The following TRIM11 variants were observed in gnomAD, a reference collection of about 807,000 sequenced individuals.
The protein encoded by TRIM11 is E3 ubiquitin-protein ligase TRIM11.
In TRIM11, 15 loss-of-function variants were observed where a neutral mutation model predicts 33.4. The observed-to-expected ratio is 0.45, with a 90% CI of 0.30 to 0.69. TRIM11 has a LOEUF of 0.69. Among genes scored for constraint, TRIM11 ranks in the 30% least tolerant of loss-of-function variants. TRIM11 has a pLI of 0.08. For synonymous variants in TRIM11, 281 were observed against 302.6 expected (o/e 0.93, Z 0.74); for missense variants, 499 against 667.6 (o/e 0.75, Z 2.78).
rs150671955 is a variant in TRIM11 at position 228,404,255 on chromosome 1, C to T, written c.408+1899G>A. 725 of 152,488 alleles carry T rather than the reference C, an allele frequency of 4.8e-3. 5 individuals carry two copies. The highest frequency in any genetic ancestry group is 0.017 in the African/African-American group (691 of 41,592). 9.4% of individuals were successfully genotyped at this position (152,488 alleles called of 1,614,324 possible). A position where few individuals can be genotyped will look rare whatever the true frequency, so the allele number is the denominator to read the frequency against. ...GAGATCTGGGGGCCATCTTCTCTCTCCCATGGTGCTGCTTCCTGGAACTGG... is the reference window on the plus strand; with the variant it reads ...GAGATCTGGGGGCCATCTTCTCTCTTCCATGGTGCTGCTTCCTGGAACTGG... On this transcript the variant is annotated intron_variant, in intron 1 of 5. Transcript: ENST00000284551.
rs553287482 is a variant in TRIM11 at position 228,401,845 on chromosome 1, G to A, written c.504+221C>T. ...AAGCATGCTGGGACCCCAGGATGGG[G>A]CCCTTGCAGTATGGGAGCCCACGCC... On this transcript the variant is annotated intron_variant, in intron 2 of 5. Transcript: ENST00000284551. The surrounding 1 kb of genome is among the most constrained non-coding windows in gnomAD (Gnocchi z 6.1). Among the ~76,000 whole-genome samples the A allele has an allele frequency of 2.3e-4, 35 of 152,268 alleles. No homozygotes were observed.
At position 228,394,111 on chromosome 1, in the gene TRIM11, A is replaced by C. The variant is rs1256322763; in HGVS notation, c.*594T>G. On this transcript the variant is annotated 3_prime_UTR_variant, in exon 6 of 6. Transcript: ENST00000284551. This position sits in a 1 kb window ranked among gnomAD's most constrained non-coding sequence, Gnocchi z 6.2. ...CTCCCAGAAGCCCCTTTATTATAGG[A>C]CATCTACTCTCTGTTCCTGTCCTCA... The C allele has an allele frequency of 6.6e-6, 1 of 152,484 alleles. No individual in the cohort carries two copies. Among genetic ancestry groups the C allele is most frequent in the Non-Finnish European group, 1.5e-5 (1 of 68,272 alleles). 9.4% of individuals were successfully genotyped at this position (152,484 alleles called of 1,614,324 possible).
chr1:228,405,982 C>T (rs1656396732), intron 1 of TRIM11, 172 bp downstream of exon 1: 2 of 719,730 alleles, frequency 2.8e-6, no homozygotes, highest in Non-Finnish European at 4.0e-6. Flanking sequence ...GCCCCCACAG[C>T]CACCCTGCGC....
At position 228,396,377 on chromosome 1, in the gene TRIM11, CA is replaced by C. The variant is rs2074987081; in HGVS notation, c.859+569del. 6.6e-6 allele frequency: 3 copies of C among 451,878 alleles called. No homozygotes were observed. In the South Asian group the frequency reaches 1.1e-4, roughly 16 times the overall value. The allele number at this position is 451,878 out of a possible 1,614,324, so 28.0% of individuals were successfully genotyped here. ...CAGGGAGTTTCCAGGTTGGTGAGCACACTGAGGTGCTGGGAAGGTGCACCCA... is the reference window on the plus strand; with the variant it reads ...CAGGGAGTTTCCAGGTTGGTGAGCACCTGAGGTGCTGGGAAGGTGCACCCA... On this transcript the variant is annotated intron_variant, in intron 5 of 5. Transcript: ENST00000284551.
In TRIM11 at chr1:228,405,988, T is replaced by G. The variant is rs953548867; in HGVS notation, c.408+166A>C. On this transcript the variant is annotated intron_variant, in intron 1 of 5. Coordinates refer to ENST00000284551, the MANE Select transcript of TRIM11 (RefSeq NM_145214.3). ...GTGTCATGAGCCCCCACAGCCACCC[T>G]GCGCGACACCCCCCTCACAGGCCCA... The G allele has an allele frequency of 6.5e-6, 5 of 773,606 alleles. No individual in the cohort carries two copies. The East Asian group carries it at 1.7e-4, about 26-fold the overall frequency. The allele number at this position is 773,606 out of a possible 1,614,324, so 47.9% of individuals were successfully genotyped here.
At chr1:228,405,137 A>C (rs1370336461) in intron 1 of TRIM11, 1 of 152,292 alleles carries the variant, frequency 6.6e-6, no homozygotes, top group Non-Finnish European at 1.5e-5. Context: ...TCAGGTGTAG[A>C]CATTCCTGCA....
chr1:228,402,288 G>T, intron 1 of TRIM11, 127 bp from the exon 2 acceptor site: 1 of 672,276 alleles, frequency 1.5e-6, no homozygotes, highest in Non-Finnish European at 2.5e-6. Context: ...TGGTGAATCA[G>T]GGAACTCAAT....
In TRIM11 at chr1:228,393,686, C is replaced by T. The variant is rs1321897112; in HGVS notation, c.*1019G>A. 1 of 152,272 alleles carries T rather than the reference C, an allele frequency of 6.6e-6. No individual in the cohort carries two copies. Among genetic ancestry groups the T allele is most frequent in the Non-Finnish European group, 1.5e-5 (1 of 68,074 alleles). The allele number at this position is 152,272 out of a possible 1,614,324, so 9.4% of individuals were successfully genotyped here. On this transcript the variant is annotated 3_prime_UTR_variant, in exon 6 of 6. Coordinates refer to ENST00000284551, the MANE Select transcript of TRIM11 (RefSeq NM_145214.3). ...CACCAGCAGGATGACTTGTAGACAA[C>T]AGCCAAAGTTTATTTAACGTGGGAA...
At chr1:228,399,119 T>G (rs994568283) in intron 3 of TRIM11, among the ~76,000 whole-genome samples, 18 of 152,234 alleles carry the variant, frequency 1.2e-4, no homozygotes, top group African/African-American at 3.6e-4. Context: ...ACCTCCACTG[T>G]GCAACCCCTG....
intron 3 of TRIM11, among the ~76,000 whole-genome samples, chr1:228,399,965 G>A (rs58110358): frequency 0.019 from 2,956 of 152,130 alleles, 38 homozygotes; most frequent in Middle Eastern, 0.044. Flanking sequence ...CCAGGAGCCG[G>A]TGCCTGGACT....
chr1:228,396,747 TGAA>T, intron 5 of TRIM11, 197 bp downstream of exon 5: 1 of 720,744 alleles, frequency 1.4e-6, no homozygotes. Context: ...TTCCAGAAGT[TGAA>T]GAATTGTTTG....
Position 228,397,031 on chromosome 1 carries a change from G to A in TRIM11, c.775C>T (p.Leu259=). The change falls in exon 5 of 6, where the codon CTG becomes TTG. Residue 259 remains leucine (L), a synonymous_variant. Transcript: ENST00000284551. ...DALRRVQDVK[L]QPPEVVPMEL... Reference sequence around the variant, plus strand: ...ATAGGCACAACTTCTGGGGGCTGCAGCTTCACATCCTGGACCCTAGAGGGG... The same window carrying A: ...ATAGGCACAACTTCTGGGGGCTGCAACTTCACATCCTGGACCCTAGAGGGG... 1 of 1,613,946 alleles carries A rather than the reference G, an allele frequency of 6.2e-7. No homozygotes were observed. The highest frequency in any genetic ancestry group is 8.5e-7 in the Non-Finnish European group (1 of 1,179,888).
rs374245739 is a variant in TRIM11, at chr1:228,401,217, C to A, written c.505-23G>T. 14 of 1,604,686 alleles carry A rather than the reference C, an allele frequency of 8.7e-6. No homozygotes were observed. Among genetic ancestry groups the A allele is most frequent in the Non-Finnish European group, 1.2e-5 (14 of 1,174,724 alleles). ...CTTCTGTGGAGCCCAGGGAGAAGGACAGCTGAGGCCAGACCCCAGGCCCAG... is the reference window on the plus strand; with the variant it reads ...CTTCTGTGGAGCCCAGGGAGAAGGAAAGCTGAGGCCAGACCCCAGGCCCAG... On this transcript the variant is annotated intron_variant, in intron 2 of 5. Coordinates refer to ENST00000284551, the MANE Select transcript of TRIM11 (RefSeq NM_145214.3). The surrounding 1 kb of genome is among the most constrained non-coding windows in gnomAD (Gnocchi z 6.1).
Position 228,393,709 on chromosome 1 carries a change from G to T in TRIM11, c.*996C>A, listed in dbSNP as rs1358851916. On this transcript the variant is annotated 3_prime_UTR_variant, in exon 6 of 6. Transcript: ENST00000284551. The stretch of plus-strand genomic sequence containing the variant: ...AACAGCCAAAGTTTATTTAACGTGG[G>T]AATGCTTACAATAAATAAAGCAGAG... 3 of 152,272 alleles carry T rather than the reference G, an allele frequency of 2.0e-5. No homozygotes were observed. The highest frequency in any genetic ancestry group is 4.4e-5 in the Non-Finnish European group (3 of 68,070). The allele number at this position is 152,272 out of a possible 1,614,324, so 9.4% of individuals were successfully genotyped here. A position where few individuals can be genotyped will look rare whatever the true frequency, so the allele number is the denominator to read the frequency against.
intron 3 of TRIM11, among the ~76,000 whole-genome samples, chr1:228,399,331 C>T (rs1239479164): frequency 6.6e-6 from 1 of 152,164 alleles, no homozygotes; most frequent in Non-Finnish European, 1.5e-5. Flanking sequence ...GTTGGGGGGA[C>T]AGGAGGGACC....
intron 3 of TRIM11, among the ~76,000 whole-genome samples, chr1:228,398,446 C>T (rs2075004596): frequency 6.6e-6 from 1 of 152,020 alleles, no homozygotes; most frequent in African/African-American, 2.4e-5. Context: ...AGCAAGGTCC[C>T]ATCTCTAAAA....
At chr1:228,397,259 C>T in intron 3 of TRIM11, 94 bp from the exon 4 acceptor site, 2 of 1,464,096 alleles carry the variant, frequency 1.4e-6, no homozygotes, top group Non-Finnish European at 1.9e-6. Context: ...CCCCGTCCCC[C>T]TCTCCTACAT....
In TRIM11 at chr1:228,394,578, A is replaced by C; in HGVS notation, c.*127T>G. On this transcript the variant is annotated 3_prime_UTR_variant, in exon 6 of 6. Coordinates refer to ENST00000284551, the MANE Select transcript of TRIM11 (RefSeq NM_145214.3). This position sits in a 1 kb window ranked among gnomAD's most constrained non-coding sequence, Gnocchi z 6.2. Reference sequence around the variant, plus strand: ...GGGGTTCTCCCACGCAGGCTCAGAAAGGCACCAGGAGTTCCTCCTCTTGCT... The same window carrying C: ...GGGGTTCTCCCACGCAGGCTCAGAACGGCACCAGGAGTTCCTCCTCTTGCT... 2 of 1,077,450 alleles carry C rather than the reference A, an allele frequency of 1.9e-6. No homozygotes were observed. The highest frequency in any genetic ancestry group is 2.6e-6 in the Non-Finnish European group (2 of 771,266). 66.7% of individuals were successfully genotyped at this position (1,077,450 alleles called of 1,614,324 possible). A position where few individuals can be genotyped will look rare whatever the true frequency, so the allele number is the denominator to read the frequency against.
intron 1 of TRIM11, chr1:228,405,918 T>C (rs113618602): frequency 0.027 from 10,948 of 408,194 alleles, 258 homozygotes; most frequent in Non-Finnish European, 0.032. Flanking sequence ...AGGGTCTCAT[T>C]GGCGGCCATG....
Sources: gnomAD v4.1 joint callset for allele counts (sites outside exome capture counted in the v4.1 genomes callset) on GRCh38, gnomAD v4.1.1 for gene constraint, Gnocchi (gnomAD v3.1) non-coding constraint, MANE v1.5 for transcripts, NCBI Gene and HGNC (gene_info 2026-07-23, HGNC 2026-07-21) for gene names.